Variants in KIZ observed in about 807,000 individuals in gnomAD.
KIZ encodes the protein kizuna centrosomal protein.
Under a neutral mutation model 79.6 loss-of-function variants are expected in KIZ, and 68 were observed. The ratio of observed to expected loss-of-function variants is 0.85; its 90% CI spans 0.70 to 1.05. The LOEUF is 1.05. Among genes scored for constraint, KIZ ranks in the 50% least tolerant of loss-of-function variants. KIZ has a pLI of 0.00. For synonymous variants in KIZ, 280 were observed against 281.8 expected (o/e 0.99, Z 0.06); for missense variants, 797 against 800.4 (o/e 1.00, Z 0.05).
chr20:21,171,823 A>G (rs976387000), intron 6 of KIZ, among the ~76,000 whole-genome samples: 12 of 152,222 alleles, frequency 7.9e-5, no homozygotes, highest in Non-Finnish European at 1.2e-4. Context: ...AACTCTCACT[A>G]TGGGAACCAC....
At chr20:21,189,063 C>G (rs895668163) in intron 6 of KIZ, among the ~76,000 whole-genome samples, 5 of 152,072 alleles carry the variant, frequency 3.3e-5, no homozygotes, top group Non-Finnish European at 7.4e-5. Context: ...AGGCTGGTCT[C>G]AAACTCCTAG....
chr20:21,180,262 A>G (rs1279339190), intron 6 of KIZ, among the ~76,000 whole-genome samples: 1 of 150,678 alleles, frequency 6.6e-6, no homozygotes, highest in African/African-American at 2.4e-5. Context: ...TTAATAAGGA[A>G]ATTCAGGCAG....
intron 3 of KIZ, among the ~76,000 whole-genome samples, chr20:21,136,967 G>C (rs1011627984): frequency 3.3e-5 from 5 of 152,272 alleles, no homozygotes; most frequent in Non-Finnish European, 5.9e-5. Flanking sequence ...TTTAGTTAAG[G>C]AATCAATGGG....
chr20:21,137,594 T>G (rs2032269816), intron 3 of KIZ, among the ~76,000 whole-genome samples: 1 of 151,836 alleles, frequency 6.6e-6, no homozygotes, highest in Admixed American at 6.6e-5. Context: ...TTAGATGCAG[T>G]AGTTGTAAAT....
intron 7 of KIZ, among the ~76,000 whole-genome samples, chr20:21,212,882 C>A (rs142760183): frequency 3.3e-5 from 5 of 152,230 alleles, no homozygotes; most frequent in African/African-American, 1.2e-4. Context: ...AGGGCAGGAC[C>A]CTACCCCTAG....
At chr20:21,201,583 G>T (rs2035600363) in intron 6 of KIZ, among the ~76,000 whole-genome samples, 1 of 152,196 alleles carries the variant, frequency 6.6e-6, no homozygotes, top group South Asian at 2.1e-4. Flanking sequence ...TGCATTTAAA[G>T]TTAGGAAATA....
intron 11 of KIZ, among the ~76,000 whole-genome samples, chr20:21,238,713 T>C (rs574898995): frequency 3.7e-4 from 57 of 152,208 alleles, no homozygotes; most frequent in Non-Finnish European, 6.3e-4. Flanking sequence ...GTGTTTATTC[T>C]GGTGTCAGTC....
chr20:21,223,653 T>TTC (rs1008937909), intron 9 of KIZ, among the ~76,000 whole-genome samples: 4 of 151,724 alleles, frequency 2.6e-5, no homozygotes, highest in South Asian at 2.1e-4. Context: ...ATATCCTATT[T>TTC]TCTCTCTCTC....
At chr20:21,220,406 C>T (rs2036465028) in intron 9 of KIZ, among the ~76,000 whole-genome samples, 1 of 152,084 alleles carries the variant, frequency 6.6e-6, no homozygotes, top group South Asian at 2.1e-4. Context: ...TTGAATTGAA[C>T]TCAGACTTTA....
chr20:21,126,865 A>G (rs184565994), intron 1 of KIZ, among the ~76,000 whole-genome samples: 1 of 152,336 alleles, frequency 6.6e-6, no homozygotes, highest in East Asian at 1.9e-4. Context: ...TTATACCGCA[A>G]TGTACTATGA....
chr20:21,158,711 C>G (rs1443001952), intron 4 of KIZ: 1 of 152,144 alleles, frequency 6.6e-6, no homozygotes, highest in Non-Finnish European at 1.5e-5. Flanking sequence ...GGAGGTGGAA[C>G]TTCCTTTTTC....
Position 21,205,524 on chromosome 20 carries a change from G to C in KIZ, c.1386G>C (p.Arg462Ser). 6.4e-7 allele frequency: 1 copy of C among 1,564,812 alleles called. No individual in the cohort carries two copies. Among genetic ancestry groups the C allele is most frequent in the African/African-American group, 1.4e-5 (1 of 73,792 alleles). The change falls in exon 7 of 13, where the codon AGG becomes AGC. Residue 462 changes from arginine (R) to serine (S), a missense_variant. Transcript: ENST00000619189. ...PGQTPDSDVP[R>S]AQVGQHVATL... ...AAACACCAGACTCAGACGTACCGAG[G>C]GCACAGGTGGGTCAGCATGTTGCCA...
chr20:21,213,602 G>A (rs1412346619), intron 7 of KIZ: 2 of 152,198 alleles, frequency 1.3e-5, no homozygotes, highest in African/African-American at 4.8e-5. Context: ...CCTGTCAATA[G>A]GAAATGAGAG....
chr20:21,139,393 G>A (rs1475532872), intron 3 of KIZ, among the ~76,000 whole-genome samples: 2 of 152,134 alleles, frequency 1.3e-5, no homozygotes, highest in African/African-American at 2.4e-5. Context: ...GGTTAAATGT[G>A]TTCAAGCAAT....
At chr20:21,179,542 T>A (rs1250955924) in intron 6 of KIZ, among the ~76,000 whole-genome samples, 1 of 152,014 alleles carries the variant, frequency 6.6e-6, no homozygotes, top group African/African-American at 2.4e-5. Context: ...TTTTATTGAT[T>A]TTTTTTCCTA....
chr20:21,206,748 A>G (rs1260411587), intron 7 of KIZ, among the ~76,000 whole-genome samples: 2 of 152,132 alleles, frequency 1.3e-5, no homozygotes, highest in African/African-American at 2.4e-5. Context: ...AGGGAATTTC[A>G]TGTTTGGTTT....
intron 6 of KIZ, among the ~76,000 whole-genome samples, chr20:21,204,775 C>T (rs781756428): frequency 1.6e-4 from 25 of 152,278 alleles, no homozygotes; most frequent in Non-Finnish European, 2.5e-4. Flanking sequence ...GCAATATAGG[C>T]TTATTTTTTA....
intron 3 of KIZ, among the ~76,000 whole-genome samples, chr20:21,139,902 C>T (rs4815021): frequency 0.57 from 87,217 of 151,928 alleles, 26,659 homozygotes; most frequent in South Asian, 0.77. Context: ...CTTCTAGTAG[C>T]GTAAAAGACC....
intron 3 of KIZ, among the ~76,000 whole-genome samples, chr20:21,144,970 A>C (rs1051396340): frequency 6.6e-6 from 1 of 152,140 alleles, no homozygotes; most frequent in African/African-American, 2.4e-5. Context: ...TGTGGTGATG[A>C]TGCAGACATC....
Sources: allele counts gnomAD v4.1 joint callset (sites outside exome capture counted in the v4.1 genomes callset), GRCh38; gene constraint gnomAD v4.1.1; transcripts MANE v1.5; gene names NCBI Gene and HGNC (gene_info 2026-07-23, HGNC 2026-07-21).